RP1: variants seen among roughly 807,000 people sequenced by gnomAD.
RP1 encodes RP1 axonemal microtubule associated.
RP1 carries 16 observed loss-of-function variants against 14.8 expected under a neutral mutation model. The observed-to-expected ratio is 1.08, with a 90% CI of 0.73 to 1.65. The LOEUF (loss-of-function observed/expected upper bound fraction) is 1.65. Ranked by LOEUF, RP1 falls within the 40% of genes most tolerant of loss-of-function variation. The pLI, the probability that RP1 is intolerant of heterozygous loss-of-function variation, is 0.00. For missense variants in RP1, 2,631 were observed against 2,535.0 expected (o/e 1.04, Z -0.81); for synonymous variants, 876 against 883.6 (o/e 0.99, Z 0.15).
At position 54,604,861 on chromosome 8, in the gene RP1, A is replaced by T. The variant is rs1585543418; in HGVS notation, c.-12-16094A>T. Among the ~76,000 whole-genome samples the T allele has an allele frequency of 2.0e-5, 3 of 152,208 alleles. 1 individual carries two copies. The East Asian group carries it at 5.8e-4, about 29-fold the overall frequency. Reference sequence around the variant, plus strand: ...ATAGTATTCTCTGATGGTAGTTTGTATTTCTGTGGGATCGGCGGTGATATC... The same window carrying T: ...ATAGTATTCTCTGATGGTAGTTTGTTTTTCTGTGGGATCGGCGGTGATATC... On this transcript the variant is annotated intron_variant, in intron 1 of 22. Transcript: ENST00000636932.
intron 24 of RP1, among the ~76,000 whole-genome samples, chr8:54,819,095 A>G (rs1217561566): frequency 6.6e-6 from 1 of 151,800 alleles, no homozygotes; most frequent in East Asian, 2.0e-4. Flanking sequence ...TAAGACCAAT[A>G]ACTCTTAAAT....
At chr8:54,812,589 A>C (rs2129393594) in intron 24 of RP1, among the ~76,000 whole-genome samples, 1 of 152,330 alleles carries the variant, frequency 6.6e-6, no homozygotes, top group South Asian at 2.1e-4. Flanking sequence ...AAGTTATTTA[A>C]TTTTATTTTA....
Position 54,625,564 on chromosome 8 carries a change from C to T in RP1, c.1682C>T (p.Ser561Leu). The change falls in exon 4 of 4, where the codon TCA (serine) becomes TTA (leucine). Residue 561 changes from serine (S) to leucine (L), a missense_variant. Ser to Leu is a moderately radical substitution (Grantham distance 145). Transcript: ENST00000220676. The stretch of plus-strand genomic sequence containing the variant: ...ACAAGTCAGAAGATGTTAGAGATGT[C>T]ACATAATAATGGTTTGCCATCAACT... ...EITSQKMLEM[S>L]HNNGLPSTIS... The T allele has an allele frequency of 6.2e-7, 1 of 1,613,978 alleles. No individual in the cohort carries two copies. Among genetic ancestry groups the T allele is most frequent in the Non-Finnish European group, 8.5e-7 (1 of 1,179,976 alleles).
chr8:54,759,772 T>C (rs1027399608), intron 22 of RP1, among the ~76,000 whole-genome samples: 2 of 152,186 alleles, frequency 1.3e-5, no homozygotes, highest in Non-Finnish European at 2.9e-5. Context: ...ATCATGTTTA[T>C]TGTTGCTTGG....
chr8:54,772,009 C>CAGTTT (rs1321383994), downstream of RP1, among the ~76,000 whole-genome samples: 1 of 152,030 alleles, frequency 6.6e-6, no homozygotes, highest in Non-Finnish European at 1.5e-5. Flanking sequence ...AAAAAGGACT[C>CAGTTT]AACTAAGTTA....
intron 1 of RP1, among the ~76,000 whole-genome samples, chr8:54,609,777 A>G (rs1299884576): frequency 6.6e-6 from 1 of 152,142 alleles, no homozygotes; most frequent in Admixed American, 6.5e-5. Context: ...TCTTTCTGCT[A>G]CTGGGGATGG....
Position 54,629,220 on chromosome 8 carries a change from A to G in RP1, c.5338A>G (p.Ser1780Gly). The G allele has an allele frequency of 1.2e-6, 2 of 1,614,094 alleles. No homozygotes were observed. The highest frequency in any genetic ancestry group is 1.7e-6 in the Non-Finnish European group (2 of 1,179,966). ...AGTGGACACCCTACTTGATAATAACAGCAGTGAGGTACCATATTCACATTT... is the reference window on the plus strand; with the variant it reads ...AGTGGACACCCTACTTGATAATAACGGCAGTGAGGTACCATATTCACATTT... ...TSVDTLLDNNSSEVPYSHFGN... is the reference protein window; with the variant it reads ...TSVDTLLDNNGSEVPYSHFGN... Residue 1780 changes from serine to glycine, a missense_variant, in exon 4 of 4, where the codon AGC (serine) becomes GGC (glycine). Transcript: ENST00000220676.
intron 1 of RP1, among the ~76,000 whole-genome samples, chr8:54,599,920 G>A (rs1431908531): frequency 6.6e-6 from 1 of 152,156 alleles, no homozygotes; most frequent in Non-Finnish European, 1.5e-5. Flanking sequence ...AGAGGAAAGG[G>A]AACTCACTCC....
At chr8:54,795,977 A>G (rs1434454322) in intron 24 of RP1, among the ~76,000 whole-genome samples, 1 of 152,124 alleles carries the variant, frequency 6.6e-6, no homozygotes, top group Non-Finnish European at 1.5e-5. Context: ...TTAATCTTGC[A>G]ATTTGGAATA....
chr8:54,715,313 A>G (rs1291862163), intron 15 of RP1, among the ~76,000 whole-genome samples: 3 of 152,204 alleles, frequency 2.0e-5, no homozygotes, highest in Non-Finnish European at 2.9e-5. Flanking sequence ...GTCAGAACTC[A>G]TGTTTTATTT....
chr8:54,746,659 T>A (rs916047302), intron 19 of RP1, among the ~76,000 whole-genome samples: 6 of 152,206 alleles, frequency 3.9e-5, no homozygotes, highest in African/African-American at 1.4e-4. Context: ...AATCTTAGGT[T>A]TTCTTTTTTT....
At chr8:54,641,721 A>G (rs1283683545) in intron 3 of RP1, among the ~76,000 whole-genome samples, 2 of 152,224 alleles carry the variant, frequency 1.3e-5, no homozygotes, top group East Asian at 1.9e-4. Flanking sequence ...TGTAACAATT[A>G]TAATGAAAAT....
At chr8:54,662,529 C>G (rs966320518) in intron 6 of RP1, among the ~76,000 whole-genome samples, 20 of 152,122 alleles carry the variant, frequency 1.3e-4, no homozygotes, top group Non-Finnish European at 2.6e-4. Flanking sequence ...TGCTCTTCTT[C>G]CTAGGCACAA....
At chr8:54,608,532 A>G (rs1177245632) in intron 1 of RP1, among the ~76,000 whole-genome samples, 1 of 152,184 alleles carries the variant, frequency 6.6e-6, no homozygotes, top group Non-Finnish European at 1.5e-5. Context: ...AAGTTGGCTT[A>G]CATATGTTTG....
Position 54,701,786 on chromosome 8 carries a change from G to A in RP1, c.1998+124G>A. ...GAATCACTTCCCACTAGGTGGCATT[G>A]GTGCCTATTTCCATTCTGTTTGGCA... On this transcript the variant is annotated intron_variant, in intron 14 of 22. Coordinates refer to the RP1 transcript ENST00000636932. The A allele has an allele frequency of 4.7e-6, 4 of 843,198 alleles. No homozygotes were observed. In the South Asian group the frequency reaches 7.3e-5, roughly 15 times the overall value. 52.2% of individuals were successfully genotyped at this position (843,198 alleles called of 1,614,324 possible).
chr8:54,641,948 C>T (rs996772574), intron 3 of RP1, among the ~76,000 whole-genome samples: 1 of 152,180 alleles, frequency 6.6e-6, no homozygotes, highest in Non-Finnish European at 1.5e-5. Context: ...CCCTCCTCTC[C>T]TCACAAAGAT....
intron 27 of RP1, among the ~76,000 whole-genome samples, chr8:54,861,296 A>G (rs567674953): frequency 6.6e-6 from 1 of 152,342 alleles, no homozygotes; most frequent in South Asian, 2.1e-4. Context: ...CATGATTTCA[A>G]AAACCTTTGC....
chr8:54,651,244 T>C (rs911401881), intron 4 of RP1, among the ~76,000 whole-genome samples: 2 of 152,236 alleles, frequency 1.3e-5, no homozygotes, highest in African/African-American at 2.4e-5. Flanking sequence ...CAGTGGTTTA[T>C]AGTTTCCTTG....
At chr8:54,839,713 T>C (rs1329674303) in intron 25 of RP1, among the ~76,000 whole-genome samples, 6 of 152,182 alleles carry the variant, frequency 3.9e-5, no homozygotes, top group Non-Finnish European at 8.8e-5. Context: ...CAGCTGGTAC[T>C]CCATCCCACA....
Sources: allele counts gnomAD v4.1 joint callset (sites outside exome capture counted in the v4.1 genomes callset), GRCh38; gene constraint gnomAD v4.1.1; transcripts MANE v1.5; gene names NCBI Gene and HGNC (gene_info 2026-07-23, HGNC 2026-07-21).